WDR17: variants seen among roughly 807,000 people sequenced by gnomAD.
The protein encoded by WDR17 is WD repeat-containing protein 17.
WDR17 carries 143 observed loss-of-function variants against 161.7 expected under a neutral mutation model. The ratio of observed to expected loss-of-function variants is 0.88; its 90% confidence interval spans 0.77 to 1.02. The LOEUF (loss-of-function observed/expected upper bound fraction) is 1.02, where lower values mean the gene tolerates loss of function less well. Among genes scored for constraint, WDR17 ranks in the 50% least tolerant of loss-of-function variants. The probability of loss-of-function intolerance (pLI) is 0.00; values close to 1 mark genes in which losing one functional copy is unlikely to be tolerated. For synonymous variants in WDR17, 517 were observed against 515.6 expected, an observed-to-expected ratio of 1.00 and a Z score of -0.04; for missense variants, 1,469 against 1,520.9, an observed-to-expected ratio of 0.97 and a Z score of 0.57.
At chr4:176,076,244 TATATATATATACACACACACACAC>T (rs1561066455) in intron 1 of WDR17, among the ~76,000 whole-genome samples, 6 of 61,840 alleles carry the variant, frequency 9.7e-5, no homozygotes, top group Non-Finnish European at 1.6e-4. Flanking sequence ...TATATATATA[TATATATATATACACACACACACAC>T]ATATATATAC....
intron 22 of WDR17, among the ~76,000 whole-genome samples, chr4:176,167,130 C>A (rs1218784141): frequency 2.0e-5 from 3 of 151,900 alleles, no homozygotes; most frequent in Admixed American, 1.3e-4. Context: ...GTCTTTATTC[C>A]TATTCTATAT....
At chr4:176,146,465 G>A (rs1746187995) in intron 12 of WDR17, among the ~76,000 whole-genome samples, 1 of 152,156 alleles carries the variant, frequency 6.6e-6, no homozygotes. Flanking sequence ...ATTTCTGTAG[G>A]TTATGACTTG....
intron 1 of WDR17, among the ~76,000 whole-genome samples, chr4:176,099,651 C>A (rs1737484989): frequency 6.6e-6 from 1 of 152,054 alleles, no homozygotes; most frequent in Non-Finnish European, 1.5e-5. Flanking sequence ...GCATAGATTG[C>A]ACAGTGATCA....
intron 19 of WDR17, 96 bp downstream of exon 19, chr4:176,160,222 A>C: frequency 7.0e-7 from 1 of 1,429,638 alleles, no homozygotes; most frequent in Non-Finnish European, 9.4e-7. Flanking sequence ...CATAATTGAC[A>C]AAGTCATAAA....
chr4:176,088,694 G>A lies in WDR17; in HGVS notation c.-7+22615G>A, dbSNP rs193086105. On this transcript the variant is annotated intron_variant, in intron 1 of 28. Coordinates refer to ENST00000508596, the MANE Select transcript of WDR17 (RefSeq NM_181265.4). ...AACAGGCTGAGATGATTATGGCAAA[G>A]TCAATACATTTCCTGTTGGTATTTC... Among the ~76,000 whole-genome samples, 138 of 152,288 alleles carry A rather than the reference G, an allele frequency of 9.1e-4. 1 individual carries two copies. The highest frequency in any genetic ancestry group is 3.1e-3 in the African/African-American group (128 of 41,568).
At chr4:176,140,099 T>A in intron 10 of WDR17, 125 bp downstream of exon 10, 1 of 673,126 alleles carries the variant, frequency 1.5e-6, no homozygotes, top group Non-Finnish European at 2.4e-6. Context: ...AGGCGTTATT[T>A]TTAAGCCCAT....
chr4:176,131,479 T>G, intron 6 of WDR17, 75 bp from the exon 7 acceptor site: 1 of 1,394,736 alleles, frequency 7.2e-7, no homozygotes, highest in Non-Finnish European at 9.6e-7. Flanking sequence ...TCTGGATTTT[T>G]TTTTTAATGA....
At chr4:176,080,485 G>A (rs1191960491) in intron 1 of WDR17, among the ~76,000 whole-genome samples, 1 of 151,960 alleles carries the variant, frequency 6.6e-6, no homozygotes, top group African/African-American at 2.4e-5. Context: ...AAGTAGTAGG[G>A]GAATCAAAAG....
chr4:176,128,764 T>A lies in WDR17; in HGVS notation c.817T>A (p.Trp273Arg). The A allele has an allele frequency of 6.2e-7, 1 of 1,603,962 alleles. No individual in the cohort carries two copies. Among genetic ancestry groups the A allele is most frequent in the African/African-American group, 1.3e-5 (1 of 74,390 alleles). ...GDSQVGVLRI[W>R]NVSRTTPIDN... ...TTCTCAAGTGGGTGTTTTACGCATT[T>A]GGAATGTTTCAAGAACAACACCTAT... Residue 273 changes from tryptophan (W) to arginine (R), a missense_variant, in exon 6 of 29, where the codon TGG (tryptophan) becomes AGG (arginine). By Grantham distance (101) the Trp-to-Arg change is moderately radical. Transcript: ENST00000508596.
chr4:176,162,070 TCTAGA>T lies in WDR17; in HGVS notation c.2751-2_2753del. On this transcript the variant is annotated splice_acceptor_variant and splice_polypyrimidine_tract_variant and coding_sequence_variant and intron_variant, in exon 21 of 29. Transcript: ENST00000508596. LOFTEE classifies it high-confidence loss of function. ...TATATAGAATACACATTTTTTTCTTTCTAGACTCCTGCACAAAGTCAGTAAAGAAC... is the reference window on the plus strand; with the variant it reads ...TATATAGAATACACATTTTTTTCTTTCTCCTGCACAAAGTCAGTAAAGAAC... 6.2e-7 allele frequency: 1 copy of T among 1,609,296 alleles called. No homozygotes were observed.
At position 176,173,344 on chromosome 4, in the gene WDR17, A is replaced by C. The variant is rs534648052; in HGVS notation, c.3322A>C (p.Lys1108Gln). The stretch of plus-strand genomic sequence containing the variant: ...CCTACTGAGCTATATTCGTACTGAA[A>C]AATTACTCTTGCATACGTGTACTGA... Reference protein sequence around the residue: ...LDLLSYIRTEKLLLHTCTEAR... With the variant: ...LDLLSYIRTEQLLLHTCTEAR... The change falls in exon 25 of 29, where the codon AAA (lysine) becomes CAA (glutamine). Residue 1108 changes from lysine (K) to glutamine (Q), a missense_variant. Coordinates refer to ENST00000508596, the MANE Select transcript of WDR17 (RefSeq NM_181265.4). 1 of 1,612,734 alleles carries C rather than the reference A, an allele frequency of 6.2e-7. No individual in the cohort carries two copies. Among genetic ancestry groups the C allele is most frequent in the East Asian group, 2.2e-5 (1 of 44,778 alleles).
Position 176,181,833 on chromosome 4 carries a change from A to C in WDR17, c.*2254A>C, listed in dbSNP as rs1413460645. ...TTTTATGTATAAAAGATGAAGAAAAAATTTTGCAAGTCTTTAAGCACATAA... is the reference window on the plus strand; with the variant it reads ...TTTTATGTATAAAAGATGAAGAAAACATTTTGCAAGTCTTTAAGCACATAA... On this transcript the variant is annotated 3_prime_UTR_variant, in exon 29 of 29. Transcript: ENST00000508596. 1 of 152,084 alleles carries C rather than the reference A, an allele frequency of 6.6e-6. No homozygotes were observed. The highest frequency in any genetic ancestry group is 1.5e-5 in the Non-Finnish European group (1 of 67,980). 9.4% of individuals were successfully genotyped at this position (152,084 alleles called of 1,614,324 possible).
chr4:176,085,991 T>C (rs1735374573), intron 1 of WDR17, among the ~76,000 whole-genome samples: 1 of 151,964 alleles, frequency 6.6e-6, no homozygotes, highest in South Asian at 2.1e-4. Flanking sequence ...CAAATTTCTA[T>C]GTTTAGACTT....
chr4:176,172,526 T>C lies in WDR17; in HGVS notation c.3244+10T>C, dbSNP rs1161111455. 1.3e-6 allele frequency: 2 copies of C among 1,567,352 alleles called. No homozygotes were observed. The highest frequency in any genetic ancestry group is 4.5e-5 in the East Asian group (2 of 44,206). On this transcript the variant is annotated intron_variant, in intron 24 of 28. Coordinates refer to ENST00000508596, the MANE Select transcript of WDR17 (RefSeq NM_181265.4). ...ATTAGCTTTGTTAAAGGTAAGTAAT[T>C]AGTTGGTAGTAGAATTTTAAATATA...
At chr4:176,095,695 C>T (rs564414174) in intron 1 of WDR17, among the ~76,000 whole-genome samples, 3 of 151,924 alleles carry the variant, frequency 2.0e-5, no homozygotes, top group African/African-American at 4.8e-5. Flanking sequence ...CTTCTTTCCT[C>T]GCTTCCTACC....
At chr4:176,085,179 A>C (rs1203569938) in intron 1 of WDR17, among the ~76,000 whole-genome samples, 1 of 152,094 alleles carries the variant, frequency 6.6e-6, no homozygotes, top group Non-Finnish European at 1.5e-5. Context: ...ATTAAATCTG[A>C]AGATTAATTT....
At chr4:176,177,719 T>C (rs1379500771) in intron 28 of WDR17, 65 bp downstream of exon 28, 1 of 1,500,436 alleles carries the variant, frequency 6.7e-7, no homozygotes, top group South Asian at 1.3e-5. Context: ...TTTTGAAATA[T>C]CTTAAAATAA....
At chr4:176,081,366 A>G (rs1734725213) in intron 1 of WDR17, among the ~76,000 whole-genome samples, 1 of 152,126 alleles carries the variant, frequency 6.6e-6, no homozygotes, top group Admixed American at 6.6e-5. Context: ...TTTACGTGCC[A>G]TTATACTTTA....
At chr4:176,140,892 G>T (rs1186350858) in intron 10 of WDR17, among the ~76,000 whole-genome samples, 1 of 152,112 alleles carries the variant, frequency 6.6e-6, no homozygotes, top group Non-Finnish European at 1.5e-5. Flanking sequence ...TTTTGATTAA[G>T]TGATACAAAA....
Sources: gnomAD v4.1 joint callset for allele counts (sites outside exome capture counted in the v4.1 genomes callset) on GRCh38, gnomAD v4.1.1 for gene constraint, MANE v1.5 for transcripts, NCBI Gene and HGNC (gene_info 2026-07-23, HGNC 2026-07-21) for gene names.